The following PCDHA4 variants were observed in gnomAD, a reference collection of about 807,000 sequenced individuals.
PCDHA4 encodes the protein protocadherin alpha 4.
In PCDHA4, 49 loss-of-function variants were observed where a neutral mutation model predicts 61.4. The observed-to-expected ratio is 0.80, with a 90% CI of 0.63 to 1.01. PCDHA4 has a LOEUF of 1.01. Ranked by LOEUF, PCDHA4 falls within the 50% of genes least tolerant of loss-of-function variation. The probability of loss-of-function intolerance (pLI) is 0.00; values close to 1 mark genes in which losing one functional copy is unlikely to be tolerated. For synonymous variants in PCDHA4, 590 were observed against 550.3 expected (o/e 1.07, Z -1.01); for missense variants, 1,254 against 1,235.8 (o/e 1.01, Z -0.22).
chr5:141,010,201 C>A lies in PCDHA4; in HGVS notation c.*264C>A, dbSNP rs782495760. On this transcript the variant is annotated 3_prime_UTR_variant, in exon 4 of 4. Transcript: ENST00000530339. ...GCAGACCCAAGTTTCCTTTCTCCTC[C>A]GCCGCAAAGGAGAGGCTTCCCAGCC... 5.0e-5 allele frequency: 77 copies of A among 1,551,916 alleles called. No individual in the cohort carries two copies. The highest frequency in any genetic ancestry group is 6.1e-5 in the Non-Finnish European group (70 of 1,147,084).
chr5:140,872,829 G>T (rs187637058), intron 1 of PCDHA4, among the ~76,000 whole-genome samples: 6 of 152,156 alleles, frequency 3.9e-5, no homozygotes, highest in African/African-American at 1.4e-4. Flanking sequence ...ATCTAGCAGA[G>T]AAAAAATTAA....
At chr5:140,972,101 A>C (rs114554334) in intron 1 of PCDHA4, among the ~76,000 whole-genome samples, 3,080 of 152,290 alleles carry the variant, frequency 0.02, 42 homozygotes, top group Middle Eastern at 0.075. Flanking sequence ...CTGGCATAGA[A>C]GCAGGTAACA....
intron 1 of PCDHA4, among the ~76,000 whole-genome samples, chr5:140,890,293 A>G (rs1423277316): frequency 6.6e-6 from 1 of 152,196 alleles, no homozygotes; most frequent in African/African-American, 2.4e-5. Flanking sequence ...AGTCAGAACC[A>G]GGAGAGGTAA....
At chr5:140,869,228 G>T (rs782726206) in intron 1 of PCDHA4, 1 of 1,613,764 alleles carries the variant, frequency 6.2e-7, no homozygotes, top group South Asian at 1.1e-5. Flanking sequence ...GCCAAACACG[G>T]CACCTTCGTG....
In PCDHA4 at chr5:140,828,247, G is replaced by T. The variant is rs2150153072; in HGVS notation, c.2385+18675G>T. 9 of 1,613,862 alleles carry T rather than the reference G, an allele frequency of 5.6e-6. No individual in the cohort carries two copies. The South Asian group carries it at 9.9e-5, about 18-fold the overall frequency. ...TCGTGGGCCGGATCGCGCAGGACCTGGGGCTGGAGCTGGCGGAGCTGGTGC... is the reference window on the plus strand; with the variant it reads ...TCGTGGGCCGGATCGCGCAGGACCTTGGGCTGGAGCTGGCGGAGCTGGTGC... On this transcript the variant is annotated intron_variant, in intron 1 of 3. Coordinates refer to ENST00000530339, the MANE Select transcript of PCDHA4 (RefSeq NM_018907.4).
At chr5:140,857,947 G>A in intron 1 of PCDHA4, 4 of 1,597,414 alleles carry the variant, frequency 2.5e-6, no homozygotes, top group Non-Finnish European at 2.6e-6. Context: ...TCAGTACGAC[G>A]CGCGCTCTGG....
intron 1 of PCDHA4, chr5:140,836,467 A>C (rs1271601760): frequency 6.2e-7 from 1 of 1,613,688 alleles, no homozygotes; most frequent in Non-Finnish European, 8.5e-7. Context: ...GAGCTGGTGG[A>C]TGTCAACGTG....
intron 1 of PCDHA4, chr5:140,835,164 G>A: frequency 8.8e-6 from 13 of 1,477,492 alleles, no homozygotes; most frequent in Non-Finnish European, 1.2e-5. Context: ...CGGAACGCTG[G>A]TGATTCACCC....
chr5:140,926,798 C>T (rs1584463033), intron 1 of PCDHA4: 2 of 1,455,342 alleles, frequency 1.4e-6, no homozygotes, highest in East Asian at 2.5e-5. Context: ...GGAGCGTGCT[C>T]TTCCCCGCGG....
At chr5:140,931,444 A>T (rs2087532526) in intron 1 of PCDHA4, among the ~76,000 whole-genome samples, 1 of 135,860 alleles carries the variant, frequency 7.4e-6, no homozygotes, top group Non-Finnish European at 1.6e-5. Context: ...TTAGCTATTT[A>T]AAAGGAAAAA....
At chr5:141,007,448 G>A (rs555583994) in intron 3 of PCDHA4, among the ~76,000 whole-genome samples, 2 of 150,352 alleles carry the variant, frequency 1.3e-5, no homozygotes, top group African/African-American at 4.9e-5. Context: ...TGTGCCTGTA[G>A]TCCCAGCTAC....
intron 1 of PCDHA4, chr5:140,870,784 G>T (rs374163229): frequency 3.1e-6 from 5 of 1,613,574 alleles, no homozygotes; most frequent in Non-Finnish European, 4.2e-6. Context: ...GAACGACAAC[G>T]CGCCGGCACT....
intron 1 of PCDHA4, among the ~76,000 whole-genome samples, chr5:140,914,462 G>A (rs1554196374): frequency 6.6e-6 from 1 of 152,068 alleles, no homozygotes; most frequent in East Asian, 1.9e-4. Context: ...CAGTCTATGT[G>A]TATCTTCATA....
intron 1 of PCDHA4, chr5:140,884,122 G>A (rs1212118784): frequency 6.2e-7 from 1 of 1,613,306 alleles, no homozygotes; most frequent in East Asian, 2.2e-5. Flanking sequence ...CGGTCGGCGC[G>A]CGCATCCCGT....
intron 1 of PCDHA4, chr5:140,835,730 C>A: frequency 1.2e-6 from 2 of 1,613,804 alleles, no homozygotes; most frequent in South Asian, 1.1e-5. Context: ...CCGACGTGAA[C>A]GACAACGCCC....
rs1340028669 is a variant in PCDHA4 at position 140,846,205 on chromosome 5, T to A, written c.2385+36633T>A. ...GTTTGAGTTCTTTGTATGTATGAGA[T>A]CTTTCCATTAATAGTATTTTTCTTA... On this transcript the variant is annotated intron_variant, in intron 1 of 3. Transcript: ENST00000530339. Among the ~76,000 whole-genome samples, 4 of 149,544 alleles carry A rather than the reference T, an allele frequency of 2.7e-5. 1 individual carries two copies. The highest frequency in any genetic ancestry group is 6.0e-5 in the Non-Finnish European group (4 of 66,902).
Position 140,809,439 on chromosome 5 carries a change from C to G in PCDHA4, c.2252C>G (p.Ser751Trp), listed in dbSNP as rs1187355294. 1 of 1,614,202 alleles carries G rather than the reference C, an allele frequency of 6.2e-7. No individual in the cohort carries two copies. Among genetic ancestry groups the G allele is most frequent in the East Asian group, 2.2e-5 (1 of 44,872 alleles). ...CSSAVGSWSY[S>W]QQRRPRVCSG... ...AGTGCGGTGGGGAGCTGGTCATACT[C>G]GCAGCAGAGGAGGCCGAGGGTGTGC... Residue 751 changes from serine to tryptophan, a missense_variant, in exon 1 of 4, where the codon TCG (serine) becomes TGG (tryptophan). Transcript: ENST00000530339.
At chr5:140,991,078 A>T (rs1378051907) in intron 3 of PCDHA4, among the ~76,000 whole-genome samples, 1 of 152,188 alleles carries the variant, frequency 6.6e-6, no homozygotes, top group Non-Finnish European at 1.5e-5. Context: ...TGTTTCAGAT[A>T]AAAAAATTAA....
At chr5:140,958,867 T>C (rs1312043891) in intron 1 of PCDHA4, among the ~76,000 whole-genome samples, 1 of 152,146 alleles carries the variant, frequency 6.6e-6, no homozygotes, top group Non-Finnish European at 1.5e-5. Context: ...ACTGGGTTTA[T>C]AAAAGAATTG....
Sources: allele counts gnomAD v4.1 joint callset (sites outside exome capture counted in the v4.1 genomes callset), GRCh38; gene constraint gnomAD v4.1.1; transcripts MANE v1.5; gene names NCBI Gene and HGNC (gene_info 2026-07-23, HGNC 2026-07-21).